Variants in CCSER1 observed in about 807,000 individuals in gnomAD.
CCSER1 encodes serine-rich coiled-coil domain-containing protein 1.
A neutral mutation model predicts 82.0 loss-of-function variants in CCSER1; 41 were observed. That is an observed-to-expected ratio of 0.50 (90% CI 0.39 to 0.65). The LOEUF (loss-of-function observed/expected upper bound fraction) is 0.65. Ranked by LOEUF, CCSER1 falls within the 30% of genes least tolerant of loss-of-function variation. CCSER1 has a pLI of 0.00. For synonymous variants in CCSER1, 414 were observed against 383.9 expected (o/e 1.08, Z -0.92); for missense variants, 1,119 against 1,064.2 (o/e 1.05, Z -0.72).
At chr4:90,962,365 T>TA (rs1299226625) in intron 9 of CCSER1, among the ~76,000 whole-genome samples, 1 of 152,096 alleles carries the variant, frequency 6.6e-6, no homozygotes. Flanking sequence ...GTCAAAACCA[T>TA]AAAAAATATT....
At chr4:91,376,155 T>C (rs1260224273) in intron 10 of CCSER1, among the ~76,000 whole-genome samples, 1 of 152,064 alleles carries the variant, frequency 6.6e-6, no homozygotes, top group East Asian at 1.9e-4. Context: ...AAGATAAACA[T>C]TATGACAATA....
intron 10 of CCSER1, among the ~76,000 whole-genome samples, chr4:91,490,902 ATATATATATATATATATATATATAT>A (rs1758491474): frequency 1.2e-4 from 9 of 75,674 alleles, no homozygotes; most frequent in African/African-American, 3.6e-4. Context: ...ATATATATAT[ATATATATATATATATATATATATAT>A]AAAATATGCG....
chr4:90,493,729 A>T (rs553916556), intron 5 of CCSER1, among the ~76,000 whole-genome samples: 1 of 152,176 alleles, frequency 6.6e-6, no homozygotes, highest in African/African-American at 2.4e-5. Flanking sequence ...AGATTTTGTC[A>T]CCACCGCTCC....
intron 8 of CCSER1, among the ~76,000 whole-genome samples, chr4:90,870,258 TG>T (rs1190426618): frequency 6.6e-6 from 1 of 151,798 alleles, no homozygotes; most frequent in Admixed American, 6.6e-5. Flanking sequence ...AGTGTACTCT[TG>T]TTGTGTTCCA....
intron 1 of CCSER1, among the ~76,000 whole-genome samples, chr4:90,300,721 AC>A (rs752677558): frequency 1.2e-4 from 18 of 152,140 alleles, no homozygotes; most frequent in Non-Finnish European, 1.3e-4. Context: ...AGACAGATAG[AC>A]CTATTTAAGT....
intron 6 of CCSER1, among the ~76,000 whole-genome samples, chr4:90,706,300 G>T (rs1011240642): frequency 7.2e-5 from 11 of 152,090 alleles, no homozygotes; most frequent in Non-Finnish European, 1.6e-4. Flanking sequence ...AAACAAAGTG[G>T]CCTGGCATGG....
At chr4:90,227,794 G>T (rs1309466015) in intron 1 of CCSER1, among the ~76,000 whole-genome samples, 1 of 152,218 alleles carries the variant, frequency 6.6e-6, no homozygotes, top group Non-Finnish European at 1.5e-5. Flanking sequence ...GCAGGGCGAG[G>T]CATTGCCTCA....
At chr4:90,494,383 A>C (rs1469163561) in intron 5 of CCSER1, among the ~76,000 whole-genome samples, 1 of 152,212 alleles carries the variant, frequency 6.6e-6, no homozygotes, top group Non-Finnish European at 1.5e-5. Flanking sequence ...GAGGATATCC[A>C]GGAATTGAAG....
intron 10 of CCSER1, among the ~76,000 whole-genome samples, chr4:91,383,713 C>T (rs1025410501): frequency 1.6e-4 from 24 of 152,156 alleles, no homozygotes; most frequent in African/African-American, 5.5e-4. Flanking sequence ...ATCCCCATTA[C>T]ACTTTATTTG....
At chr4:90,726,039 C>A (rs1743580769) in intron 7 of CCSER1, among the ~76,000 whole-genome samples, 1 of 151,950 alleles carries the variant, frequency 6.6e-6, no homozygotes. Flanking sequence ...TCACAATCCA[C>A]CCTAACATTA....
intron 8 of CCSER1, among the ~76,000 whole-genome samples, chr4:90,832,067 AG>A (rs1484563059): frequency 4.7e-5 from 7 of 149,408 alleles, no homozygotes; most frequent in African/African-American, 1.7e-4. Context: ...TACAAGCATC[AG>A]GTATTACTAT....
intron 5 of CCSER1, among the ~76,000 whole-genome samples, chr4:90,477,220 C>A (rs1484652904): frequency 1.3e-5 from 2 of 152,170 alleles, no homozygotes; most frequent in Non-Finnish European, 2.9e-5. Context: ...TATTGATTTT[C>A]TACTTTTCCC....
chr4:90,343,427 G>A (rs1262209230), intron 3 of CCSER1, among the ~76,000 whole-genome samples: 2 of 152,094 alleles, frequency 1.3e-5, no homozygotes, highest in African/African-American at 4.8e-5. Flanking sequence ...GACCAGCCTG[G>A]CCGACACGGT....
chr4:90,814,522 C>T (rs1358922367), intron 7 of CCSER1, among the ~76,000 whole-genome samples: 1 of 152,172 alleles, frequency 6.6e-6, no homozygotes, highest in Non-Finnish European at 1.5e-5. Flanking sequence ...CTTTTATGCT[C>T]TGCTTCTCTT....
At chr4:90,430,880 A>G (rs1758181484) in intron 4 of CCSER1, among the ~76,000 whole-genome samples, 1 of 151,932 alleles carries the variant, frequency 6.6e-6, no homozygotes, top group African/African-American at 2.4e-5. Flanking sequence ...ATATGCTCAA[A>G]TTTTAATAAT....
chr4:90,331,171 A>G (rs561671380), intron 3 of CCSER1, among the ~76,000 whole-genome samples: 1 of 152,178 alleles, frequency 6.6e-6, no homozygotes, highest in East Asian at 1.9e-4. Flanking sequence ...ATAGATAAAA[A>G]CTTCACTAAA....
chr4:90,861,311 T>C lies in CCSER1; in HGVS notation c.2094+45466T>C, dbSNP rs190548950. On this transcript the variant is annotated intron_variant, in intron 8 of 10. Coordinates refer to ENST00000509176, the MANE Select transcript of CCSER1 (RefSeq NM_001145065.2). Reference sequence around the variant, plus strand: ...AAGCACTGAGAGATGTAATGTGTATTTAAATTAGTCCCTGCAGGGTTTGTA... The same window carrying C: ...AAGCACTGAGAGATGTAATGTGTATCTAAATTAGTCCCTGCAGGGTTTGTA... Among the ~76,000 whole-genome samples the C allele has an allele frequency of 1.3e-4, 19 of 151,862 alleles. No homozygotes were observed. The East Asian group carries it at 3.7e-3, about 29-fold the overall frequency.
At chr4:90,709,043 T>A (rs911291625) in intron 6 of CCSER1, among the ~76,000 whole-genome samples, 9 of 152,122 alleles carry the variant, frequency 5.9e-5, no homozygotes, top group Non-Finnish European at 8.8e-5. Flanking sequence ...CTTAAGAATG[T>A]CATCACAACA....
At chr4:90,594,900 T>G (rs1376233177) in intron 5 of CCSER1, among the ~76,000 whole-genome samples, 1 of 152,018 alleles carries the variant, frequency 6.6e-6, no homozygotes, top group Non-Finnish European at 1.5e-5. Context: ...ACAAAAACTC[T>G]TTCCTCAGGG....
Sources: gnomAD v4.1 joint callset for allele counts (sites outside exome capture counted in the v4.1 genomes callset) on GRCh38, gnomAD v4.1.1 for gene constraint, MANE v1.5 for transcripts, NCBI Gene and HGNC (gene_info 2026-07-23, HGNC 2026-07-21) for gene names.